Variants in GPHN observed in about 807,000 individuals in gnomAD.
The protein encoded by GPHN is gephyrin.
GPHN carries 17 observed loss-of-function variants against 95.5 expected under a neutral mutation model. The observed-to-expected ratio is 0.18, with a 90% CI of 0.12 to 0.27. The LOEUF (loss-of-function observed/expected upper bound fraction) is 0.27, where lower values mean the gene tolerates loss of function less well. Ranked by LOEUF, GPHN falls within the 10% of genes least tolerant of loss-of-function variation. The pLI is 1.00. For missense variants in GPHN, 660 were observed against 978.1 expected, an observed-to-expected ratio of 0.67 and a Z score of 4.34; for synonymous variants, 320 against 322.5, an observed-to-expected ratio of 0.99 and a Z score of 0.08.
intron 12 of GPHN, among the ~76,000 whole-genome samples, chr14:67,096,516 T>G (rs755369596): frequency 3.3e-5 from 5 of 152,216 alleles, no homozygotes; most frequent in African/African-American, 4.8e-5. Context: ...ACTTCATTTC[T>G]TTATTCTTTT....
chr14:66,861,880 C>T (rs2063037026), intron 4 of GPHN, among the ~76,000 whole-genome samples: 1 of 151,338 alleles, frequency 6.6e-6, no homozygotes, highest in Non-Finnish European at 1.5e-5. Context: ...GTGCCTACAT[C>T]AAAAAAAGGA....
the GPHN span, chr14:67,354,075 C>G: frequency 3.9e-5 from 6 of 152,270 alleles, no homozygotes; most frequent in South Asian, 1.2e-3. Flanking sequence ...CCTCCAGAAC[C>G]ATGAACCAAA....
At chr14:67,329,509 ACT>A in the GPHN span, among the ~76,000 whole-genome samples, 1 of 152,146 alleles carries the variant, frequency 6.6e-6, no homozygotes, top group South Asian at 2.1e-4. Flanking sequence ...AACTTCCAAC[ACT>A]GTGTTGAATA....
the GPHN span, among the ~76,000 whole-genome samples, chr14:67,660,753 G>A: frequency 6.6e-6 from 1 of 152,160 alleles, no homozygotes; most frequent in Non-Finnish European, 1.5e-5. Context: ...TCATCTGCCT[G>A]GAATGGGCAG....
rs551005764 is a variant in GPHN at position 67,171,307 on chromosome 14, T to C, written c.2079+2271T>C. On this transcript the variant is annotated intron_variant, in intron 21 of 22. Transcript: ENST00000478722. ...TTTCCCTTATTTCCTTGGTCACTTATGGTTGGAGGTGAAAATCTTCTCATT... is the reference window on the plus strand; with the variant it reads ...TTTCCCTTATTTCCTTGGTCACTTACGGTTGGAGGTGAAAATCTTCTCATT... 5.9e-5 allele frequency among the ~76,000 whole-genome samples: 9 copies of C among 152,036 alleles called. No homozygotes were observed. The South Asian group carries it at 1.2e-3, about 21-fold the overall frequency.
the GPHN span, chr14:67,653,489 T>A: frequency 1.2e-6 from 2 of 1,613,942 alleles, no homozygotes; most frequent in Non-Finnish European, 1.7e-6. Flanking sequence ...TTTTCACTTG[T>A]GTTTACCAGC....
intron 10 of GPHN, among the ~76,000 whole-genome samples, chr14:67,049,907 A>C (rs1313749642): frequency 6.6e-6 from 1 of 152,182 alleles, no homozygotes; most frequent in African/African-American, 2.4e-5. Flanking sequence ...AAAGGTGCTT[A>C]ATTGATATTG....
chr14:66,989,236 A>AT (rs1462253140), intron 9 of GPHN, among the ~76,000 whole-genome samples: 41 of 151,828 alleles, frequency 2.7e-4, no homozygotes, highest in East Asian at 7.7e-4. Flanking sequence ...CTATTTTGTC[A>AT]TTTTTTTTAA....
chr14:66,796,370 C>G (rs1385977171), intron 3 of GPHN, among the ~76,000 whole-genome samples: 1 of 151,658 alleles, frequency 6.6e-6, no homozygotes, highest in African/African-American at 2.4e-5. Flanking sequence ...ACAACTAATG[C>G]TGCAGTAGGA....
the GPHN span, chr14:67,340,372 A>G: frequency 7.5e-7 from 1 of 1,338,222 alleles, no homozygotes; most frequent in African/African-American, 1.4e-5. Context: ...CCAACAAGTC[A>G]TTCAGCAAAT....
chr14:67,562,876 G>C, the GPHN span: 1 of 1,612,658 alleles, frequency 6.2e-7, no homozygotes, highest in South Asian at 1.1e-5. Context: ...CACCCCCGCT[G>C]CACCAGTTTT....
the GPHN span, among the ~76,000 whole-genome samples, chr14:67,325,825 T>C: frequency 6.6e-6 from 1 of 151,812 alleles, no homozygotes; most frequent in Middle Eastern, 3.2e-3. Context: ...TTTTTTTTTT[T>C]TGAGACAGAG....
chr14:66,581,606 T>A (rs1165586285), intron 1 of GPHN, among the ~76,000 whole-genome samples: 2 of 151,938 alleles, frequency 1.3e-5, no homozygotes, highest in Non-Finnish European at 2.9e-5. Context: ...AGTGACTGAA[T>A]CAATCAGAAA....
chr14:67,272,824 A>G, the GPHN span, among the ~76,000 whole-genome samples: 1 of 152,004 alleles, frequency 6.6e-6, no homozygotes, highest in Non-Finnish European at 1.5e-5. Flanking sequence ...ATGGCTGGAT[A>G]ATTTTTAAAT....
intron 1 of GPHN, among the ~76,000 whole-genome samples, chr14:66,567,278 G>C (rs756858593): frequency 6.6e-6 from 1 of 152,146 alleles, no homozygotes; most frequent in African/African-American, 2.4e-5. Context: ...TTTTAGCAGC[G>C]TAGGGGACTT....
intron 4 of GPHN, among the ~76,000 whole-genome samples, chr14:66,857,923 C>G (rs1289866766): frequency 1.3e-5 from 2 of 152,150 alleles, no homozygotes; most frequent in African/African-American, 4.8e-5. Flanking sequence ...CAGCAGAAAG[C>G]AACACCAGGC....
At chr14:67,225,963 GCGCGCGCGCGCGTGCGCA>G in the GPHN span, among the ~76,000 whole-genome samples, 1 of 82,828 alleles carries the variant, frequency 1.2e-5, no homozygotes, top group African/African-American at 6.2e-5. Flanking sequence ...GTGTGTGTGT[GCGCGCGCGCGCGTGCGCA>G]TGCGCGTGCA....
chr14:67,045,887 A>T (rs1373805439), intron 10 of GPHN, among the ~76,000 whole-genome samples: 1 of 151,700 alleles, frequency 6.6e-6, no homozygotes, highest in Non-Finnish European at 1.5e-5. Flanking sequence ...GATCTAATTC[A>T]TTTTCAAGGC....
intron 1 of GPHN, among the ~76,000 whole-genome samples, chr14:66,600,413 GT>G (rs1283790234): frequency 1.3e-5 from 2 of 151,990 alleles, no homozygotes; most frequent in Non-Finnish European, 2.9e-5. Flanking sequence ...AAGTAGATTT[GT>G]TCTGTGACGT....
Sources: gnomAD v4.1 joint callset for allele counts (sites outside exome capture counted in the v4.1 genomes callset) on GRCh38, gnomAD v4.1.1 for gene constraint, MANE v1.5 for transcripts, NCBI Gene and HGNC (gene_info 2026-07-23, HGNC 2026-07-21) for gene names.